The following CTNNA1 variants were observed in gnomAD, a reference collection of about 807,000 sequenced individuals.
The protein encoded by CTNNA1 is catenin alpha-1.
CTNNA1 carries 37 observed loss-of-function variants against 98.4 expected under a neutral mutation model. The observed-to-expected ratio is 0.38, with a 90% CI of 0.29 to 0.49. CTNNA1 has a LOEUF of 0.49. CTNNA1 is among the 20% of genes least tolerant of loss of function. The pLI is 0.95. For synonymous variants in CTNNA1, 404 were observed against 413.2 expected (o/e 0.98, Z 0.27); for missense variants, 761 against 1,147.2 (o/e 0.66, Z 4.86).
chr5:138,825,352 T>TA (rs905138636), intron 6 of CTNNA1, among the ~76,000 whole-genome samples: 2 of 152,226 alleles, frequency 1.3e-5, no homozygotes. Flanking sequence ...ATGCCATAAT[T>TA]ACTTTTCATA....
At chr5:138,894,342 C>T (rs1432629437) in intron 9 of CTNNA1, among the ~76,000 whole-genome samples, 1 of 146,482 alleles carries the variant, frequency 6.8e-6, no homozygotes, top group African/African-American at 2.5e-5. Flanking sequence ...TGTGCAGTGA[C>T]ACAATCATGG....
intron 10 of CTNNA1, among the ~76,000 whole-genome samples, chr5:138,907,298 G>C (rs1454818833): frequency 6.6e-6 from 1 of 152,204 alleles, no homozygotes; most frequent in Non-Finnish European, 1.5e-5. Flanking sequence ...GGGATTACAG[G>C]CCTGAGCCAC....
At chr5:138,848,035 A>G (rs1227880118) in intron 7 of CTNNA1, among the ~76,000 whole-genome samples, 4 of 152,240 alleles carry the variant, frequency 2.6e-5, no homozygotes, top group African/African-American at 7.2e-5. Context: ...CTTCTTGGGT[A>G]ATAAATTCTA....
intron 10 of CTNNA1, among the ~76,000 whole-genome samples, chr5:138,916,395 CT>C (rs751646294): frequency 2.8e-3 from 389 of 139,392 alleles, no homozygotes; most frequent in Non-Finnish European, 2.9e-3. Context: ...TGTTTTTTGT[CT>C]TTTTTTTTTT....
intron 3 of CTNNA1, among the ~76,000 whole-genome samples, chr5:138,784,495 TG>T (rs1755461979): frequency 6.6e-6 from 1 of 152,210 alleles, no homozygotes; most frequent in Admixed American, 6.5e-5. Flanking sequence ...TAACCTTCAA[TG>T]GTAAATATTT....
chr5:138,809,768 G>C (rs1223372521), intron 3 of CTNNA1, among the ~76,000 whole-genome samples: 1 of 151,556 alleles, frequency 6.6e-6, no homozygotes, highest in African/African-American at 2.4e-5. Context: ...AACATTATTA[G>C]ATCAAAGGGA....
At chr5:138,775,342 T>G (rs1473634858) in intron 1 of CTNNA1, among the ~76,000 whole-genome samples, 1 of 152,232 alleles carries the variant, frequency 6.6e-6, no homozygotes, top group Non-Finnish European at 1.5e-5. Flanking sequence ...TGACTTGGGT[T>G]GATCAGTTGA....
At chr5:138,875,898 GA>G (rs1249382796) in intron 7 of CTNNA1, among the ~76,000 whole-genome samples, 1 of 152,126 alleles carries the variant, frequency 6.6e-6, no homozygotes, top group Non-Finnish European at 1.5e-5. Flanking sequence ...TATAAACGAA[GA>G]ATAAAGGGGG....
chr5:138,897,297 C>CA (rs1407827733), intron 9 of CTNNA1, among the ~76,000 whole-genome samples: 1 of 67,728 alleles, frequency 1.5e-5, no homozygotes, highest in Non-Finnish European at 3.2e-5. Context: ...ACACCGCACC[C>CA]CCCCCCCCCC....
chr5:138,786,608 AT>A (rs1554079042), intron 3 of CTNNA1, among the ~76,000 whole-genome samples: 2 of 152,214 alleles, frequency 1.3e-5, no homozygotes, highest in Non-Finnish European at 2.9e-5. Flanking sequence ...ATGGGGCCGT[AT>A]CCACTCCACT....
intron 7 of CTNNA1, among the ~76,000 whole-genome samples, chr5:138,856,579 T>A (rs1050886118): frequency 2.6e-5 from 4 of 152,136 alleles, no homozygotes; most frequent in South Asian, 2.1e-4. Flanking sequence ...TGGCCTCAAA[T>A]GATCCTCCTG....
chr5:138,924,733 GT>G, intron 12 of CTNNA1, 23 bp downstream of exon 12: 1 of 1,547,734 alleles, frequency 6.5e-7, no homozygotes, highest in South Asian at 1.2e-5. Flanking sequence ...TCCCTTTCCA[GT>G]GCTCGCACAC....
intron 7 of CTNNA1, among the ~76,000 whole-genome samples, chr5:138,868,321 A>G (rs1053493341): frequency 2.0e-5 from 3 of 152,154 alleles, no homozygotes; most frequent in Admixed American, 6.5e-5. Context: ...TCAAGGGTCA[A>G]TTGTAGTTTA....
At chr5:138,810,568 A>G (rs907414868) in intron 4 of CTNNA1, among the ~76,000 whole-genome samples, 10 of 152,194 alleles carry the variant, frequency 6.6e-5, no homozygotes, top group African/African-American at 2.4e-4. Context: ...TTTAACCCTG[A>G]GTGGACACAG....
intron 1 of CTNNA1, among the ~76,000 whole-genome samples, chr5:138,780,736 G>A (rs892715786): frequency 2.0e-5 from 3 of 150,744 alleles, no homozygotes; most frequent in Admixed American, 6.6e-5. Flanking sequence ...GGCTGGTGTC[G>A]AACTCCCGAC....
At position 138,904,380 on chromosome 5, in the gene CTNNA1, A is replaced by G. The variant is rs769696803; in HGVS notation, c.1328A>G (p.Asn443Ser). ...AACTTGGCCTGTTCCATCTCAAATA[A>G]TGAAGAAGGTGTAAAGCTTGTTCGA... ...VANLACSISNNEEGVKLVRMS... is the reference protein window; with the variant it reads ...VANLACSISNSEEGVKLVRMS... Residue 443 changes from asparagine to serine, a missense_variant, in exon 10 of 18, where the codon AAT becomes AGT. Physicochemically the swap from Asn to Ser is conservative, Grantham distance 46 (BLOSUM62 1). Coordinates refer to ENST00000302763, the MANE Select transcript of CTNNA1 (RefSeq NM_001903.5). 1.7e-5 allele frequency: 28 copies of G among 1,614,116 alleles called. No individual in the cohort carries two copies. The highest frequency in any genetic ancestry group is 2.3e-5 in the Non-Finnish European group (27 of 1,179,976).
chr5:138,832,151 A>T (rs1761333614), intron 7 of CTNNA1, among the ~76,000 whole-genome samples: 1 of 152,212 alleles, frequency 6.6e-6, no homozygotes, highest in Non-Finnish European at 1.5e-5. Flanking sequence ...CCCCTTTTAA[A>T]GTTTCCAAGG....
chr5:138,925,494 A>G, intron 13 of CTNNA1, 87 bp downstream of exon 13: 1 of 1,498,144 alleles, frequency 6.7e-7, no homozygotes, highest in Non-Finnish European at 9.0e-7. Context: ...AACTCGGCAG[A>G]TGCGGTGGCA....
Position 138,874,945 on chromosome 5 carries a change from C to CG in CTNNA1, c.1063-11265dup, listed in dbSNP as rs771882488. 5.6e-6 allele frequency: 9 copies of CG among 1,612,902 alleles called. No homozygotes were observed. The African/African-American group carries it at 1.2e-4, about 22-fold the overall frequency. ...GCACATTGGAGGCTGCATTCAGTCG[C>CG]GGTTGTTAGACTCAACGCAGTGAGT... is the stretch of plus-strand genomic sequence containing the variant. On this transcript the variant is annotated intron_variant, in intron 7 of 17. Transcript: ENST00000302763. The surrounding 1 kb of genome is among the most constrained non-coding windows in gnomAD (Gnocchi z 4.1).
Sources: allele counts gnomAD v4.1 joint callset (sites outside exome capture counted in the v4.1 genomes callset), GRCh38; gene constraint gnomAD v4.1.1; non-coding constraint Gnocchi (gnomAD v3.1); transcripts MANE v1.5; gene names NCBI Gene and HGNC (gene_info 2026-07-23, HGNC 2026-07-21).